Variants in UBA5 observed in about 807,000 individuals in gnomAD.
The protein encoded by UBA5 is ubiquitin-like modifier-activating enzyme 5.
Under a neutral mutation model 52.9 loss-of-function variants are expected in UBA5, and 28 were observed. That is an observed-to-expected ratio of 0.53 (90% confidence interval 0.39 to 0.73). The LOEUF (loss-of-function observed/expected upper bound fraction) is 0.73. UBA5 is among the 30% of genes least tolerant of loss of function. The probability of loss-of-function intolerance (pLI) is 0.00; values close to 1 mark genes in which losing one functional copy is unlikely to be tolerated. For missense variants in UBA5, 388 were observed against 492.7 expected, an observed-to-expected ratio of 0.79 and a Z score of 2.01; for synonymous variants, 135 against 162.1, an observed-to-expected ratio of 0.83 and a Z score of 1.27.
chr3:132,655,919 A>C (rs1001170387), upstream of UBA5, among the ~76,000 whole-genome samples: 11 of 152,260 alleles, frequency 7.2e-5, no homozygotes, highest in African/African-American at 1.4e-4. Flanking sequence ...AAATTTTAAA[A>C]GTAAATCTTG....
upstream of UBA5, among the ~76,000 whole-genome samples, chr3:132,657,866 CT>C (rs56190801): frequency 0.19 from 22,566 of 118,530 alleles, 1,217 homozygotes; most frequent in East Asian, 0.46. Flanking sequence ...ACACATATTC[CT>C]TTTTTTTTTT....
In UBA5 at chr3:132,679,331, A is replaced by G. The variant is rs1938959398; in HGVS notation, c.*2805A>G. Reference sequence around the variant, plus strand: ...ATAAGTACTCTAACAATTCAGATTTATAATTGAGTTGTCTGAAAGCTACCT... The same window carrying G: ...ATAAGTACTCTAACAATTCAGATTTGTAATTGAGTTGTCTGAAAGCTACCT... On this transcript the variant is annotated 3_prime_UTR_variant, in exon 12 of 12. Transcript: ENST00000356232. 6.6e-6 allele frequency among the ~76,000 whole-genome samples: 1 copy of G among 152,196 alleles called. No homozygotes were observed. Among genetic ancestry groups the G allele is most frequent in the South Asian group, 2.1e-4 (1 of 4,832 alleles).
intron 3 of UBA5, chr3:132,667,524 T>A (rs1025804660): frequency 6.6e-5 from 10 of 152,180 alleles, no homozygotes; most frequent in Non-Finnish European, 1.3e-4. Context: ...TTTCAGGAAG[T>A]CTTTCTTTAA....
At chr3:132,668,062 A>AT (rs1938448549) in intron 3 of UBA5, 1 of 152,034 alleles carries the variant, frequency 6.6e-6, no homozygotes, top group Non-Finnish European at 1.5e-5. Flanking sequence ...TGAGAATTGT[A>AT]TTAAAGAGTC....
At position 132,677,863 on chromosome 3, in the gene UBA5, C is replaced by T. The variant is rs1938900146; in HGVS notation, c.*1337C>T. On this transcript the variant is annotated 3_prime_UTR_variant, in exon 12 of 12. Transcript: ENST00000356232. ...GTGATTCTTATGTTTATAGTAAAGTCTGGAAAGCAGAAGGATAGTTTTTTT... is the reference window on the plus strand; with the variant it reads ...GTGATTCTTATGTTTATAGTAAAGTTTGGAAAGCAGAAGGATAGTTTTTTT... 6.6e-6 allele frequency: 1 copy of T among 152,118 alleles called. No homozygotes were observed. Among genetic ancestry groups the T allele is most frequent in the African/African-American group, 2.4e-5 (1 of 41,434 alleles). 9.4% of individuals were successfully genotyped at this position (152,118 alleles called of 1,614,324 possible).
chr3:132,672,407 GTGTGCATAT>G (rs1331983084), intron 8 of UBA5, among the ~76,000 whole-genome samples: 1 of 151,940 alleles, frequency 6.6e-6, no homozygotes, highest in Non-Finnish European at 1.5e-5. Context: ...TATAATACAT[GTGTGCATAT>G]TCATACGTGA....
At chr3:132,662,194 T>G (rs1255363870) in intron 1 of UBA5, among the ~76,000 whole-genome samples, 1 of 152,244 alleles carries the variant, frequency 6.6e-6, no homozygotes, top group African/African-American at 2.4e-5. Context: ...CCATTGACTT[T>G]ATTAAAATTG....
At chr3:132,658,937 A>G (rs1937972957), upstream of UBA5, among the ~76,000 whole-genome samples, 1 of 152,226 alleles carries the variant, frequency 6.6e-6, no homozygotes, top group African/African-American at 2.4e-5. Context: ...ACAGCAAGTG[A>G]CAGATCCAGT....
upstream of UBA5, among the ~76,000 whole-genome samples, chr3:132,656,406 T>C (rs1019887702): frequency 2.0e-5 from 3 of 152,142 alleles, no homozygotes; most frequent in Admixed American, 2.0e-4. Context: ...TACAAGATCA[T>C]GTTGAGTTAT....
chr3:132,675,567 A>G (rs1938800815), intron 9 of UBA5, 38 bp from the exon 10 acceptor site: 6 of 1,575,030 alleles, frequency 3.8e-6, no homozygotes, highest in Non-Finnish European at 4.3e-6. Flanking sequence ...AGAACTGAGA[A>G]TGAGTAAGAA....
Position 132,678,850 on chromosome 3 carries a change from A to G in UBA5, c.*2324A>G, listed in dbSNP as rs1015718694. Among the ~76,000 whole-genome samples the G allele has an allele frequency of 5.9e-5, 9 of 151,686 alleles. No individual in the cohort carries two copies. The highest frequency in any genetic ancestry group is 1.0e-4 in the Non-Finnish European group (7 of 67,944). ...TTTTTAGTAGAGGCGAGGTTTCACCATGTTGGCCAGGCTGGTCTTGAACTC... is the reference window on the plus strand; with the variant it reads ...TTTTTAGTAGAGGCGAGGTTTCACCGTGTTGGCCAGGCTGGTCTTGAACTC... On this transcript the variant is annotated 3_prime_UTR_variant, in exon 12 of 12. Coordinates refer to ENST00000356232, the MANE Select transcript of UBA5 (RefSeq NM_024818.6).
At chr3:132,659,869 C>T (rs747763649), upstream of UBA5, 991 of 1,279,270 alleles carry the variant, frequency 7.7e-4, 3 homozygotes, top group Non-Finnish European at 8.9e-4. Flanking sequence ...GGGTCTGGCT[C>T]CAGCCAACCG....
upstream of UBA5, among the ~76,000 whole-genome samples, chr3:132,659,311 C>A (rs976114976): frequency 4.6e-5 from 7 of 152,226 alleles, no homozygotes; most frequent in Non-Finnish European, 1.0e-4. Flanking sequence ...AATTTGTAGC[C>A]TTAATTGCCT....
chr3:132,660,940 G>A lies in UBA5; in HGVS notation c.161+242G>A. The A allele has an allele frequency of 6.7e-7, 1 of 1,491,320 alleles. No individual in the cohort carries two copies. Among genetic ancestry groups the A allele is most frequent in the Non-Finnish European group, 8.9e-7 (1 of 1,121,476 alleles). The allele number at this position is 1,491,320 out of a possible 1,614,324, so 92.4% of individuals were successfully genotyped here. ...TGCTGCTCCTGTGCCTGCTGAGGACGTGTGTCCAGTTTCCTATCACCCTTG... is the reference window on the plus strand; with the variant it reads ...TGCTGCTCCTGTGCCTGCTGAGGACATGTGTCCAGTTTCCTATCACCCTTG... On this transcript the variant is annotated intron_variant, in intron 1 of 11. Transcript: ENST00000356232. This position sits in a 1 kb window ranked among gnomAD's most constrained non-coding sequence, Gnocchi z 4.1.
intron 8 of UBA5, 112 bp from the exon 9 acceptor site, chr3:132,675,136 G>GT (rs1938775560): frequency 1.3e-6 from 1 of 799,718 alleles, no homozygotes; most frequent in South Asian, 2.1e-5. Flanking sequence ...CTGTTTTCTG[G>GT]TTAAAAAAAA....
chr3:132,659,530 C>T, upstream of UBA5: 1 of 1,593,012 alleles, frequency 6.3e-7, no homozygotes, highest in Non-Finnish European at 8.5e-7. Context: ...CTTAGGAAAC[C>T]ACCCAGGGCC....
upstream of UBA5, chr3:132,660,260 T>G: frequency 1.8e-6 from 1 of 553,004 alleles, no homozygotes; most frequent in Non-Finnish European, 3.2e-6. The surrounding 1 kb of genome is among the most constrained non-coding windows in gnomAD (Gnocchi z 4.1). Flanking sequence ...GCGGCCGGGT[T>G]TAGCCGGCCC....
At chr3:132,661,578 T>C (rs1311150762) in intron 1 of UBA5, among the ~76,000 whole-genome samples, 2 of 152,216 alleles carry the variant, frequency 1.3e-5, no homozygotes, top group African/African-American at 4.8e-5. Flanking sequence ...ATGAGATTGC[T>C]ACTATTTTAC....
At chr3:132,665,775 A>G (rs1382368704) in intron 1 of UBA5, 48 bp from the exon 2 acceptor site, 1 of 1,554,866 alleles carries the variant, frequency 6.4e-7, no homozygotes, top group Non-Finnish European at 8.8e-7. Context: ...TGTATTACTA[A>G]TACCTAAAAG....
Sources: allele counts gnomAD v4.1 joint callset (sites outside exome capture counted in the v4.1 genomes callset), GRCh38; gene constraint gnomAD v4.1.1; non-coding constraint Gnocchi (gnomAD v3.1); transcripts MANE v1.5; gene names NCBI Gene and HGNC (gene_info 2026-07-23, HGNC 2026-07-21).